MAT1A: variants seen among roughly 807,000 people sequenced by gnomAD.
MAT1A encodes the protein S-adenosylmethionine synthase isoform type-1.
MAT1A carries 19 observed loss-of-function variants against 44.0 expected under a neutral mutation model. The observed-to-expected ratio is 0.43, with a 90% CI of 0.30 to 0.63. MAT1A has a LOEUF of 0.63. MAT1A is among the 30% of genes least tolerant of loss of function. The probability of loss-of-function intolerance (pLI) is 0.12; values close to 1 mark genes in which losing one functional copy is unlikely to be tolerated. For missense variants in MAT1A, 397 were observed against 531.0 expected (o/e 0.75, Z 2.48); for synonymous variants, 205 against 205.6 (o/e 1.00, Z 0.03).
intron 3 of MAT1A, among the ~76,000 whole-genome samples, chr10:80,283,080 T>A (rs1392734734): frequency 6.6e-6 from 1 of 152,250 alleles, no homozygotes; most frequent in African/African-American, 2.4e-5. Context: ...TAGAATTGCC[T>A]GAACATCTAA....
Position 80,280,170 on chromosome 10 carries a change from C to T in MAT1A, c.549+3G>A, listed in dbSNP as rs770869991. ...GCTCTCCTGGGGTAATTCAGCTGCTCACCTGAGTCTTAGAGTCAGGCCGCA... is the reference window on the plus strand; with the variant it reads ...GCTCTCCTGGGGTAATTCAGCTGCTTACCTGAGTCTTAGAGTCAGGCCGCA... On this transcript the variant is annotated splice_donor_region_variant and intron_variant, in intron 5 of 8. Transcript: ENST00000372213. 1.2e-6 allele frequency: 2 copies of T among 1,614,046 alleles called. No homozygotes were observed. Among genetic ancestry groups the T allele is most frequent in the South Asian group, 1.1e-5 (1 of 91,074 alleles).
chr10:80,283,591 G>A (rs1489220900), intron 3 of MAT1A, among the ~76,000 whole-genome samples: 3 of 152,250 alleles, frequency 2.0e-5, no homozygotes, highest in South Asian at 2.1e-4. Flanking sequence ...GCCTGGCAGC[G>A]AGCATGTCCC....
At chr10:80,281,687 A>C (rs946042345) in intron 3 of MAT1A, among the ~76,000 whole-genome samples, 1 of 152,228 alleles carries the variant, frequency 6.6e-6, no homozygotes, top group Non-Finnish European at 1.5e-5. Context: ...ACAGCCTGAA[A>C]GGGCTTACAG....
At chr10:80,276,845 CTT>C (rs1351694467) in intron 5 of MAT1A, among the ~76,000 whole-genome samples, 1 of 152,260 alleles carries the variant, frequency 6.6e-6, no homozygotes, top group Admixed American at 6.5e-5. Flanking sequence ...TGCTTGGAGA[CTT>C]GAGTTTCCTC....
chr10:80,282,813 A>G (rs116333738), intron 3 of MAT1A, among the ~76,000 whole-genome samples: 8 of 152,306 alleles, frequency 5.3e-5, no homozygotes, highest in African/African-American at 1.9e-4. Flanking sequence ...TCTCTCACTT[A>G]CAAACGGGGG....
chr10:80,285,896 G>A (rs1841644254), intron 1 of MAT1A, among the ~76,000 whole-genome samples: 1 of 151,460 alleles, frequency 6.6e-6, no homozygotes, highest in Admixed American at 6.6e-5. Flanking sequence ...TGTGATCTCG[G>A]TTCACTGCAA....
intron 2 of MAT1A, among the ~76,000 whole-genome samples, chr10:80,285,190 G>A (rs563309791): frequency 2.6e-5 from 4 of 152,158 alleles, no homozygotes; most frequent in African/African-American, 7.2e-5. Flanking sequence ...ATTCACCTAA[G>A]AACTTTGAAA....
At chr10:80,275,602 C>G in intron 6 of MAT1A, 1 of 310,486 alleles carries the variant, frequency 3.2e-6, no homozygotes, top group Non-Finnish European at 6.2e-6. Context: ...GTCCTCTGGG[C>G]AACACCAGTC....
In MAT1A at chr10:80,274,633, C is replaced by T. The variant is rs772184090; in HGVS notation, c.972G>A (p.Val324=). 1 of 1,614,172 alleles carries T rather than the reference C, an allele frequency of 6.2e-7. No individual in the cohort carries two copies. Among genetic ancestry groups the T allele is most frequent in the Admixed American group, 1.7e-5 (1 of 60,030 alleles). The stretch of plus-strand genomic sequence containing the variant: ...AGATGGAAATGGACAGCGGCTCGGC[C>T]ACACCAATGGCATAGGAAACCTTCC... ...VLVQVSYAIG[V]AEPLSISIFT... Residue 324 remains valine, a synonymous_variant, in exon 8 of 9, where the codon GTG becomes GTA. Coordinates refer to ENST00000372213, the MANE Select transcript of MAT1A (RefSeq NM_000429.3).
intron 6 of MAT1A, chr10:80,275,527 C>A: frequency 2.4e-6 from 1 of 419,276 alleles, no homozygotes; most frequent in South Asian, 2.2e-5. Context: ...GCAGGAACTG[C>A]ACTGTCATAA....
At chr10:80,279,337 G>A (rs771953817) in intron 5 of MAT1A, among the ~76,000 whole-genome samples, 4 of 152,120 alleles carry the variant, frequency 2.6e-5, no homozygotes, top group African/African-American at 7.2e-5. Context: ...GACGGGGGAA[G>A]GGCAGGAGGG....
At position 80,285,666 on chromosome 10, in the gene MAT1A, T is replaced by C. The variant is rs1464824593; in HGVS notation, c.92-77A>G. The C allele has an allele frequency of 3.3e-5, 33 of 996,240 alleles. No individual in the cohort carries two copies. In the South Asian group the frequency reaches 3.7e-4, roughly 11 times the overall value. 61.7% of individuals were successfully genotyped at this position (996,240 alleles called of 1,614,324 possible). A position where few individuals can be genotyped will look rare whatever the true frequency, so the allele number is the denominator to read the frequency against. ...ATTGAAATCTTAAAATAATTAGATA[T>C]CGACTTTTCAGTTTACATATCAACT... On this transcript the variant is annotated intron_variant, in intron 1 of 8. Coordinates refer to ENST00000372213, the MANE Select transcript of MAT1A (RefSeq NM_000429.3).
intron 5 of MAT1A, among the ~76,000 whole-genome samples, chr10:80,277,500 G>A (rs1188388792): frequency 1.3e-5 from 2 of 152,194 alleles, no homozygotes. Context: ...GCATGAGATG[G>A]CCCGATGCAC....
chr10:80,287,344 G>C (rs988313004), intron 1 of MAT1A, among the ~76,000 whole-genome samples: 16 of 152,318 alleles, frequency 1.1e-4, no homozygotes, highest in Middle Eastern at 3.4e-3. Context: ...GTAGGCTTAA[G>C]ATAGCCAATA....
chr10:80,282,400 G>A (rs1841578878), intron 3 of MAT1A, among the ~76,000 whole-genome samples: 1 of 152,194 alleles, frequency 6.6e-6, no homozygotes, highest in Non-Finnish European at 1.5e-5. Flanking sequence ...GGGAACCTCA[G>A]CCAGCTGAGC....
chr10:80,280,625 C>A, intron 4 of MAT1A, 55 bp downstream of exon 4: 2 of 1,469,666 alleles, frequency 1.4e-6, no homozygotes, highest in South Asian at 2.3e-5. Context: ...ACCCACTGCT[C>A]ATGAACTTTC....
chr10:80,275,064 C>A lies in MAT1A; in HGVS notation c.904G>T (p.Ala302Ser). The part of the protein sequence containing the change: ...RSAAYAARWV[A>S]KSLVKAGLCR... ...AGCCCTGCTTTCACCAGAGACTTGG[C>A]CACCCAGCGGGCAGCATATGCAGCT... The change falls in exon 7 of 9, where the codon GCC (alanine) becomes TCC (serine). Residue 302 changes from alanine (A) to serine (S), a missense_variant. Ala to Ser is a moderately conservative substitution (Grantham distance 99, BLOSUM62 1). Transcript: ENST00000372213. The A allele has an allele frequency of 6.4e-7, 1 of 1,569,972 alleles. No individual in the cohort carries two copies. Among genetic ancestry groups the A allele is most frequent in the Non-Finnish European group, 8.6e-7 (1 of 1,158,160 alleles).
chr10:80,285,562 G>A lies in MAT1A; in HGVS notation c.119C>T (p.Ala40Val), dbSNP rs753120927. 1 of 1,613,946 alleles carries A rather than the reference G, an allele frequency of 6.2e-7. No individual in the cohort carries two copies. The highest frequency in any genetic ancestry group is 1.1e-5 in the South Asian group (1 of 91,082). ...PDKICDQISDAVLDAHLKQDP... is the reference protein window; with the variant it reads ...PDKICDQISDVVLDAHLKQDP... ...TTGCTTGAGATGGGCATCCAGCACT[G>A]CATCACTGATCTGGTCACAGATCTT... Residue 40 changes from alanine to valine, a missense_variant, in exon 2 of 9, where the codon GCA (alanine) becomes GTA (valine). Ala to Val is a moderately conservative substitution (Grantham distance 64). Transcript: ENST00000372213.
At chr10:80,284,099 A>G (rs991591616) in intron 2 of MAT1A, 61 bp from the exon 3 acceptor site, 4 of 1,595,464 alleles carry the variant, frequency 2.5e-6, no homozygotes, top group Non-Finnish European at 3.4e-6. Flanking sequence ...GGAAGCTCAC[A>G]TTCCCAGACC....
Sources: allele counts gnomAD v4.1 joint callset (sites outside exome capture counted in the v4.1 genomes callset), GRCh38; gene constraint gnomAD v4.1.1; transcripts MANE v1.5; gene names NCBI Gene and HGNC (gene_info 2026-07-23, HGNC 2026-07-21).